The following FRMD6 variants were observed in gnomAD, a reference collection of about 807,000 sequenced individuals.
The protein encoded by FRMD6 is FERM domain-containing protein 6.
A neutral mutation model predicts 73.2 loss-of-function variants in FRMD6; 37 were observed. The ratio of observed to expected loss-of-function variants is 0.51; its 90% confidence interval spans 0.39 to 0.66. The LOEUF (loss-of-function observed/expected upper bound fraction) is 0.66, where lower values mean the gene tolerates loss of function less well. Among genes scored for constraint, FRMD6 ranks in the 30% least tolerant of loss-of-function variants. FRMD6 has a pLI of 0.00. For missense variants in FRMD6, 714 were observed against 780.5 expected (o/e 0.91, Z 1.02); for synonymous variants, 273 against 282.2 (o/e 0.97, Z 0.33).
At chr14:51,495,946 T>C (rs911652559) in intron 1 of FRMD6, among the ~76,000 whole-genome samples, 1 of 152,214 alleles carries the variant, frequency 6.6e-6, no homozygotes, top group Non-Finnish European at 1.5e-5. Flanking sequence ...TAGCCCCTAA[T>C]GATGATATTA....
intron 1 of FRMD6, among the ~76,000 whole-genome samples, chr14:51,510,227 T>C (rs1235659201): frequency 6.6e-6 from 1 of 152,196 alleles, no homozygotes; most frequent in Non-Finnish European, 1.5e-5. Context: ...TCATTTATTC[T>C]CCCAGCAACT....
chr14:51,417,142 G>A, the FRMD6 span, among the ~76,000 whole-genome samples: 1 of 152,114 alleles, frequency 6.6e-6, no homozygotes, highest in Non-Finnish European at 1.5e-5. Flanking sequence ...GAGGCATTTA[G>A]CCCATTTACA....
At chr14:51,668,507 T>G (rs962963974) in intron 1 of FRMD6, among the ~76,000 whole-genome samples, 1 of 152,010 alleles carries the variant, frequency 6.6e-6, no homozygotes, top group Admixed American at 6.6e-5. Flanking sequence ...AGTTTTGTCA[T>G]GATGGCCGGG....
intron 2 of FRMD6, among the ~76,000 whole-genome samples, chr14:51,575,113 C>G (rs1438047080): frequency 6.6e-6 from 1 of 152,252 alleles, no homozygotes; most frequent in East Asian, 1.9e-4. Context: ...AGAGATGATG[C>G]CCCACCAGTC....
intron 1 of FRMD6, among the ~76,000 whole-genome samples, chr14:51,661,483 G>A (rs559215507): frequency 2.7e-4 from 41 of 152,230 alleles, no homozygotes; most frequent in African/African-American, 8.7e-4. Flanking sequence ...TTCTAATTGC[G>A]TTGATGGTCT....
the FRMD6 span, among the ~76,000 whole-genome samples, chr14:51,469,740 T>C: frequency 6.6e-6 from 1 of 152,190 alleles, no homozygotes; most frequent in Admixed American, 6.5e-5. Flanking sequence ...TATTTTTTTT[T>C]CCGTGATGTC....
chr14:51,525,776 G>A (rs1885219667), intron 1 of FRMD6, among the ~76,000 whole-genome samples: 1 of 151,974 alleles, frequency 6.6e-6, no homozygotes, highest in South Asian at 2.1e-4. Context: ...TTTACAACTG[G>A]AAAGTTGTAA....
chr14:51,661,797 G>T (rs748935926), intron 1 of FRMD6, among the ~76,000 whole-genome samples: 1 of 152,126 alleles, frequency 6.6e-6, no homozygotes, highest in Non-Finnish European at 1.5e-5. Flanking sequence ...GGTTCAAAGA[G>T]AATAAAAAAT....
the FRMD6 span, among the ~76,000 whole-genome samples, chr14:51,477,737 C>CTTT: frequency 2.2e-4 from 29 of 134,202 alleles, no homozygotes; most frequent in African/African-American, 8.0e-4. Flanking sequence ...TTTTCTTTTT[C>CTTT]TTTTTTTTTT....
chr14:51,564,260 G>T (rs933050194), intron 1 of FRMD6, among the ~76,000 whole-genome samples: 2 of 152,122 alleles, frequency 1.3e-5, no homozygotes, highest in African/African-American at 4.8e-5. Context: ...TTCTCATTAG[G>T]ACCAGGGAAA....
chr14:51,559,393 G>T (rs1887345344), intron 1 of FRMD6, among the ~76,000 whole-genome samples: 1 of 152,064 alleles, frequency 6.6e-6, no homozygotes, highest in South Asian at 2.1e-4. Context: ...CAGAGTGCAC[G>T]TTAACAAGCA....
chr14:51,714,512 G>A (rs572463753), intron 9 of FRMD6: 6 of 152,278 alleles, frequency 3.9e-5, no homozygotes, highest in Non-Finnish European at 8.8e-5. Flanking sequence ...AGTTAAAAGA[G>A]TTCATAATAT....
At chr14:51,679,639 A>G (rs989784304) in intron 1 of FRMD6, among the ~76,000 whole-genome samples, 2 of 147,436 alleles carry the variant, frequency 1.4e-5, no homozygotes, top group African/African-American at 5.0e-5. Context: ...AATATTACTT[A>G]AGTGAAAGAT....
chr14:51,626,775 G>A lies in FRMD6; in HGVS notation c.-147+56365G>A, dbSNP rs542012912. Among the ~76,000 whole-genome samples, 11 of 152,250 alleles carry A rather than the reference G, an allele frequency of 7.2e-5. No homozygotes were observed. In the South Asian group the frequency reaches 1.4e-3, roughly 20 times the overall value. On this transcript the variant is annotated intron_variant, in intron 2 of 14. Transcript: ENST00000356218. ...CCACTTTGAACAGAGACCTCTTTAC[G>A]TCTTTTCTCATCTACAAAATAGAGA... is the stretch of plus-strand genomic sequence containing the variant.
At chr14:51,602,813 A>G (rs1408206755) in intron 2 of FRMD6, among the ~76,000 whole-genome samples, 3 of 152,254 alleles carry the variant, frequency 2.0e-5, no homozygotes, top group Admixed American at 6.5e-5. Context: ...TAGAATATAC[A>G]GAGATAATTA....
chr14:51,547,539 T>C lies in FRMD6; in HGVS notation c.-209-22809T>C, dbSNP rs568220745. On this transcript the variant is annotated intron_variant, in intron 1 of 14. Transcript: ENST00000356218. Reference sequence around the variant, plus strand: ...TTCTGTGATTCATATCCTAGTCTGGTATGCCTTAGCCAAATGCATCTCCTG... The same window carrying C: ...TTCTGTGATTCATATCCTAGTCTGGCATGCCTTAGCCAAATGCATCTCCTG... Among the ~76,000 whole-genome samples, 13 of 152,332 alleles carry C rather than the reference T, an allele frequency of 8.5e-5. No individual in the cohort carries two copies. In the South Asian group the frequency reaches 2.7e-3, roughly 32 times the overall value.
At chr14:51,720,627 A>C in intron 11 of FRMD6, 1 of 531,276 alleles carries the variant, frequency 1.9e-6, no homozygotes, top group South Asian at 2.2e-5. Flanking sequence ...ACTCAGTCTT[A>C]GCTGTTTCTA....
chr14:51,712,506 A>C lies in FRMD6; in HGVS notation c.804A>C (p.Leu268Phe), dbSNP rs1262320201. ...IFQNLDEEKQ[L>F]LYDFPWTNVG... ...AGAATTTAGATGAAGAGAAACAATT[A>C]CTTTATGATTTCCCCTGGACAAATG... Residue 268 changes from leucine to phenylalanine, a missense_variant, in exon 9 of 14, where the codon TTA becomes TTC. Coordinates refer to ENST00000344768, the MANE Select transcript of FRMD6 (RefSeq NM_001267046.2). The C allele has an allele frequency of 2.5e-6, 4 of 1,599,290 alleles. No individual in the cohort carries two copies. The highest frequency in any genetic ancestry group is 3.4e-6 in the Non-Finnish European group (4 of 1,167,362).
intron 1 of FRMD6, among the ~76,000 whole-genome samples, chr14:51,675,869 T>G (rs1180077176): frequency 1.3e-5 from 2 of 152,118 alleles, no homozygotes; most frequent in Middle Eastern, 3.2e-3. Flanking sequence ...TCCCCATAAT[T>G]TATGTAGGGT....
Sources: gnomAD v4.1 joint callset for allele counts (sites outside exome capture counted in the v4.1 genomes callset) on GRCh38, gnomAD v4.1.1 for gene constraint, MANE v1.5 for transcripts, NCBI Gene and HGNC (gene_info 2026-07-23, HGNC 2026-07-21) for gene names.